Variants in STK36 observed in about 807,000 individuals in gnomAD.
STK36 encodes the protein serine/threonine kinase 36, also known as serine/threonine-protein kinase 36.
Under a neutral mutation model 142.2 loss-of-function variants are expected in STK36, and 116 were observed. The ratio of observed to expected loss-of-function variants is 0.82; its 90% confidence interval spans 0.70 to 0.95. The LOEUF (loss-of-function observed/expected upper bound fraction) is 0.95, where lower values mean the gene tolerates loss of function less well. STK36 is among the 40% of genes least tolerant of loss of function. The pLI, the probability that STK36 is intolerant of heterozygous loss-of-function variation, is 0.00. For missense variants in STK36, 1,422 were observed against 1,617.2 expected, an observed-to-expected ratio of 0.88 and a Z score of 2.07; for synonymous variants, 619 against 641.7, an observed-to-expected ratio of 0.96 and a Z score of 0.53.
intron 2 of STK36, chr2:218,673,296 G>T (rs1344645): frequency 0.43 from 165,187 of 385,332 alleles, 38,417 homozygotes; most frequent in African/African-American, 0.67. Context: ...GTAATAAGAG[G>T]TAAACCACTT....
intron 7 of STK36, 104 bp downstream of exon 7, chr2:218,679,365 T>C: frequency 7.5e-7 from 1 of 1,331,646 alleles, no homozygotes. Context: ...TCGTCTTTCC[T>C]CCAGCAGCTT....
intron 7 of STK36, 29 bp from the exon 8 acceptor site, chr2:218,679,531 C>G: frequency 6.2e-7 from 1 of 1,603,864 alleles, no homozygotes; most frequent in Non-Finnish European, 8.5e-7. Context: ...CCCCCATGAT[C>G]ATGTCTTCCT....
intron 2 of STK36, 107 bp from the exon 3 acceptor site, chr2:218,673,518 C>A: frequency 7.0e-7 from 1 of 1,418,762 alleles, no homozygotes; most frequent in Non-Finnish European, 9.4e-7. Context: ...ATAAGAGTTA[C>A]TCAAACACTC....
chr2:218,679,008 A>G (rs927798320), intron 6 of STK36, among the ~76,000 whole-genome samples, 160 bp from the exon 7 acceptor site: 1 of 152,216 alleles, frequency 6.6e-6, no homozygotes, highest in South Asian at 2.1e-4. Context: ...GATTTCAGCC[A>G]GGAAAATGGG....
In STK36 at chr2:218,698,733, C is replaced by T. The variant is rs777909004; in HGVS notation, c.3189C>T (p.Val1063=). ...TGTCTGCCTCCCCTAGAACCATCGT[C>T]TCGTTTCTCTCAGTTGCCCTCCTGA... ...NTVSASPRTI[V]SFLSVALLSD... Residue 1063 remains valine, a synonymous_variant, in exon 26 of 27, where the codon GTC becomes GTT. Transcript: ENST00000295709. 6 of 1,614,228 alleles carry T rather than the reference C, an allele frequency of 3.7e-6. No individual in the cohort carries two copies. In the East Asian group the frequency reaches 1.1e-4, roughly 30 times the overall value.
chr2:218,699,237 CGA>C lies in STK36; in HGVS notation c.3694_3695del (p.Glu1232SerfsTer45). On this transcript the variant is annotated frameshift_variant, in exon 26 of 27. Transcript: ENST00000295709. LOFTEE classifies it high-confidence loss of function. ...GTTTGGGAGAGGAGCTGTTACAGTG[CGA>C]AGTACCCCAGCGGCTCCTAGAAATG... ...EGLGEELLQC[E>X]VPQRLLEMAC... 6.2e-7 allele frequency: 1 copy of C among 1,613,936 alleles called. No homozygotes were observed. Among genetic ancestry groups the C allele is most frequent in the Non-Finnish European group, 8.5e-7 (1 of 1,180,006 alleles).
intron 4 of STK36, among the ~76,000 whole-genome samples, chr2:218,674,662 C>T (rs1940152502): frequency 6.6e-6 from 1 of 152,172 alleles, no homozygotes; most frequent in Non-Finnish European, 1.5e-5. Context: ...AGTGCAGTGG[C>T]ACAATCTTGG....
chr2:218,694,614 T>G lies in STK36; in HGVS notation c.2490T>G (p.His830Gln). The G allele has an allele frequency of 6.2e-7, 1 of 1,614,202 alleles. No homozygotes were observed. Among genetic ancestry groups the G allele is most frequent in the Non-Finnish European group, 8.5e-7 (1 of 1,180,024 alleles). The change falls in exon 21 of 27, where the codon CAT (histidine) becomes CAG (glutamine). Residue 830 changes from histidine (H) to glutamine (Q), a missense_variant. Transcript: ENST00000295709. The surrounding 1 kb of genome is among the most constrained non-coding windows in gnomAD (Gnocchi z 4.4). ...TGGAATGGATGGCTGCAGCCACACA[T>G]GCCTTGTCTGCCCCTGCAGAGGTGA... ...QPMEWMAAAT[H>Q]ALSAPAEVRL... is the part of the protein sequence containing the mutation.
chr2:218,689,995 G>C, intron 13 of STK36, 39 bp downstream of exon 13: 1 of 1,541,714 alleles, frequency 6.5e-7, no homozygotes, highest in Non-Finnish European at 8.8e-7. Flanking sequence ...GGCAAGTTTG[G>C]CTTCTGTTTC....
chr2:218,692,361 A>T, intron 15 of STK36, 68 bp downstream of exon 15: 1 of 1,595,082 alleles, frequency 6.3e-7, no homozygotes, highest in South Asian at 1.1e-5. Context: ...CGCTCTTTCT[A>T]TTGCCATCAC....
intron 14 of STK36, among the ~76,000 whole-genome samples, chr2:218,690,930 A>C (rs1940975141): frequency 2.0e-5 from 3 of 152,236 alleles, no homozygotes; most frequent in Admixed American, 1.3e-4. Flanking sequence ...CATTTGAAGA[A>C]TACATCGCAG....
intron 9 of STK36, among the ~76,000 whole-genome samples, 166 bp from the exon 10 acceptor site, chr2:218,680,437 A>G (rs1209395534): frequency 6.6e-6 from 1 of 152,180 alleles, no homozygotes; most frequent in Non-Finnish European, 1.5e-5. Flanking sequence ...AGTCGTCAAC[A>G]TATCCTGTAC....
chr2:218,673,201 A>G (rs1940069076), intron 2 of STK36: 1 of 406,862 alleles, frequency 2.5e-6, no homozygotes, highest in African/African-American at 2.0e-5. Flanking sequence ...GAGTTTGAGG[A>G]TTAAATATGT....
In STK36 at chr2:218,672,196, C is replaced by T. The variant is rs1292560207; in HGVS notation, c.-109C>T. On this transcript the variant is annotated 5_prime_UTR_variant, in exon 1 of 27. Transcript: ENST00000295709. ...CGCCTTTGTCCTCTGAACTTCTCACCAGTTCTAGCGAGTAAAATTGTAAGA... is the reference window on the plus strand; with the variant it reads ...CGCCTTTGTCCTCTGAACTTCTCACTAGTTCTAGCGAGTAAAATTGTAAGA... The T allele has an allele frequency of 8.5e-6, 5 of 590,428 alleles. No homozygotes were observed. Among genetic ancestry groups the T allele is most frequent in the Non-Finnish European group, 9.1e-6 (3 of 331,410 alleles). The allele number at this position is 590,428 out of a possible 1,614,324, so 36.6% of individuals were successfully genotyped here.
chr2:218,673,053 C>A, intron 2 of STK36, 140 bp downstream of exon 2: 1 of 699,428 alleles, frequency 1.4e-6, no homozygotes, highest in Non-Finnish European at 2.3e-6. Context: ...GGAGTATAAG[C>A]TTTGAAGTTG....
Position 218,693,296 on chromosome 2 carries a change from C to T in STK36, c.2100C>T (p.Ser700=). The change falls in exon 17 of 27, where the codon TCC becomes TCT. Residue 700 remains serine (S), a synonymous_variant. Coordinates refer to ENST00000295709, the MANE Select transcript of STK36 (RefSeq NM_015690.5). ...LTEDSSQLRP[S]LISGLQHPIL... ...AAGACAGCAGCCAGCTCAGGCCATC[C>T]CTCATCTCTGGCCTGCAGCATCCCA... 2 of 1,613,774 alleles carry T rather than the reference C, an allele frequency of 1.2e-6. No individual in the cohort carries two copies. The highest frequency in any genetic ancestry group is 1.7e-6 in the Non-Finnish European group (2 of 1,179,682).
intron 6 of STK36, among the ~76,000 whole-genome samples, chr2:218,678,689 G>T (rs1412058144): frequency 6.6e-6 from 1 of 152,128 alleles, no homozygotes; most frequent in African/African-American, 2.4e-5. Context: ...CTGTTTTTGA[G>T]TACTCCCAAA....
chr2:218,690,559 A>T lies in STK36; in HGVS notation c.1764+4A>T. 1.9e-6 allele frequency: 3 copies of T among 1,608,072 alleles called. No homozygotes were observed. The highest frequency in any genetic ancestry group is 2.6e-6 in the Non-Finnish European group (3 of 1,174,490). ...TTTGCGGAGGGACAGCCTTATGGTA[A>T]TCTGCTCCCACTTCCAGATTTCTGT... On this transcript the variant is annotated splice_donor_region_variant and intron_variant, in intron 14 of 26. Transcript: ENST00000295709.
chr2:218,692,259 G>C lies in STK36; in HGVS notation c.1881G>C (p.Leu627Phe). The change falls in exon 15 of 27, where the codon TTG (leucine) becomes TTC (phenylalanine). Residue 627 changes from leucine to phenylalanine, a missense_variant. This residue lies in a region of STK36 where 962 missense variants were observed against 1,167.5 expected (regional missense o/e 0.82). Transcript: ENST00000295709. ...TCTTGGATGGGCTCCTTCATGGCTT[G>C]ACAGTTCCACAGCTCCCTGTCCACA... ...QVVLDGLLHG[L>F]TVPQLPVHTP... The C allele has an allele frequency of 6.2e-7, 1 of 1,614,170 alleles. No homozygotes were observed.
Sources: gnomAD v4.1 joint callset for allele counts (sites outside exome capture counted in the v4.1 genomes callset) on GRCh38, gnomAD v4.1.1 for gene constraint, gnomAD v4.1.1 regional missense constraint, Gnocchi (gnomAD v3.1) non-coding constraint, MANE v1.5 for transcripts, NCBI Gene and HGNC (gene_info 2026-07-23, HGNC 2026-07-21) for gene names.